The following SYNJ2BP variants were observed in gnomAD, a reference collection of about 807,000 sequenced individuals.
SYNJ2BP encodes the protein synaptojanin 2 binding protein, also known as synaptojanin-2-binding protein.
SYNJ2BP carries 10 observed loss-of-function variants against 16.9 expected under a neutral mutation model. The ratio of observed to expected loss-of-function variants is 0.59; its 90% confidence interval spans 0.36 to 1.00. The LOEUF (loss-of-function observed/expected upper bound fraction) is 1.00, where lower values mean the gene tolerates loss of function less well. Among genes scored for constraint, SYNJ2BP ranks in the 50% least tolerant of loss-of-function variants. The pLI, the probability that SYNJ2BP is intolerant of heterozygous loss-of-function variation, is 0.01. For missense variants in SYNJ2BP, 162 were observed against 186.7 expected, an observed-to-expected ratio of 0.87 and a Z score of 0.77; for synonymous variants, 54 against 68.4, an observed-to-expected ratio of 0.79 and a Z score of 1.04.
At chr14:70,403,873 A>G (rs1161931195) in intron 1 of SYNJ2BP, among the ~76,000 whole-genome samples, 1 of 152,250 alleles carries the variant, frequency 6.6e-6, no homozygotes, top group Non-Finnish European at 1.5e-5. Flanking sequence ...TTCCAGTAAC[A>G]AAATGGCTTT....
chr14:70,412,556 ATATG>A (rs1230539046), intron 1 of SYNJ2BP, among the ~76,000 whole-genome samples: 4 of 148,480 alleles, frequency 2.7e-5, no homozygotes, highest in African/African-American at 7.4e-5. Flanking sequence ...TACAGTATAT[ATATG>A]TATGTATAGT....
intron 3 of SYNJ2BP, among the ~76,000 whole-genome samples, chr14:70,373,677 G>T (rs1887565976): frequency 6.6e-6 from 1 of 152,156 alleles, no homozygotes; most frequent in African/African-American, 2.4e-5. Context: ...ATGGGGTTTT[G>T]CCCTTCATCT....
chr14:70,388,394 G>A, intron 2 of SYNJ2BP, 76 bp downstream of exon 2: 1 of 1,393,650 alleles, frequency 7.2e-7, no homozygotes, highest in Non-Finnish European at 9.4e-7. Context: ...TCTTTTCAAG[G>A]AAAAGGGATA....
intron 2 of SYNJ2BP, among the ~76,000 whole-genome samples, chr14:70,379,940 C>T (rs1295482397): frequency 6.6e-6 from 1 of 152,152 alleles, no homozygotes; most frequent in Non-Finnish European, 1.5e-5. Context: ...ATAACTGGGT[C>T]ACTATATTAA....
In SYNJ2BP at chr14:70,378,936, A is replaced by C. The variant is rs569087659; in HGVS notation, c.202-3165T>G. On this transcript the variant is annotated intron_variant, in intron 2 of 3. Coordinates refer to ENST00000256366, the MANE Select transcript of SYNJ2BP (RefSeq NM_018373.3). Reference sequence around the variant, plus strand: ...GTCCCAACTTACTAAGCAAAAGAAAATACGTAATTGACTATTCCCTTGCCT... The same window carrying C: ...GTCCCAACTTACTAAGCAAAAGAAACTACGTAATTGACTATTCCCTTGCCT... 2.6e-5 allele frequency among the ~76,000 whole-genome samples: 4 copies of C among 152,340 alleles called. No individual in the cohort carries two copies. The East Asian group carries it at 7.7e-4, about 29-fold the overall frequency.
At chr14:70,389,498 C>T (rs1198093689) in intron 1 of SYNJ2BP, among the ~76,000 whole-genome samples, 1 of 151,810 alleles carries the variant, frequency 6.6e-6, no homozygotes, top group Non-Finnish European at 1.5e-5. Context: ...ATTTACTCTC[C>T]CTTCCTTCGC....
chr14:70,410,199 G>C (rs1452156774), intron 1 of SYNJ2BP, among the ~76,000 whole-genome samples: 16 of 152,162 alleles, frequency 1.1e-4, no homozygotes, highest in Admixed American at 1.0e-3. Context: ...TGAATAACTT[G>C]AGCTCAGGAG....
At chr14:70,373,254 T>C (rs767774165) in intron 3 of SYNJ2BP, 123 bp from the exon 4 acceptor site, 164 of 1,261,546 alleles carry the variant, frequency 1.3e-4, no homozygotes, top group Non-Finnish European at 1.6e-4. Context: ...CCCCCAGCAA[T>C]ACCTAGCAGA....
In SYNJ2BP at chr14:70,371,201, A is replaced by C. The variant is rs887391799; in HGVS notation, c.*1790T>G. The C allele has an allele frequency of 1.3e-5, 2 of 152,226 alleles. No homozygotes were observed. The highest frequency in any genetic ancestry group is 2.9e-5 in the Non-Finnish European group (2 of 68,044). 9.4% of individuals were successfully genotyped at this position (152,226 alleles called of 1,614,324 possible). ...ACCCATAGTGCTTAAAACCAGCCTT[A>C]AAAGAACATGAACAGGATGGTTCCC... On this transcript the variant is annotated 3_prime_UTR_variant, in exon 4 of 4. Coordinates refer to ENST00000256366, the MANE Select transcript of SYNJ2BP (RefSeq NM_018373.3).
At chr14:70,399,101 G>A (rs1043347138) in intron 1 of SYNJ2BP, among the ~76,000 whole-genome samples, 2 of 152,098 alleles carry the variant, frequency 1.3e-5, no homozygotes, top group African/African-American at 2.4e-5. Flanking sequence ...GGTGGGTGTG[G>A]TGGGTGCTCC....
intron 1 of SYNJ2BP, among the ~76,000 whole-genome samples, chr14:70,408,102 GTTT>G (rs570551966): frequency 7.0e-6 from 1 of 142,492 alleles, no homozygotes; most frequent in Non-Finnish European, 1.5e-5. Flanking sequence ...CTTCTAACAG[GTTT>G]TTTTTTTTTT....
At chr14:70,416,852 T>TA in intron 1 of SYNJ2BP, 48 bp downstream of exon 1, 1 of 1,612,924 alleles carries the variant, frequency 6.2e-7, no homozygotes, top group Non-Finnish European at 8.5e-7. Flanking sequence ...TGTCTGCAAT[T>TA]ACACCCTCTA....
rs1887550739 is a variant in SYNJ2BP at position 70,373,054 on chromosome 14, C to T, written c.375G>A (p.Val125=). ...PSGIPIFMVL[V]PVFALTMVAA... is the part of the protein sequence containing the mutation. The stretch of plus-strand genomic sequence containing the variant: ...CTACCATGGTGAGGGCAAACACTGG[C>T]ACCAGCACCATAAATATGGGAATAC... The change falls in exon 4 of 4, where the codon GTG becomes GTA. Residue 125 remains valine (V), a synonymous_variant. Coordinates refer to ENST00000256366, the MANE Select transcript of SYNJ2BP (RefSeq NM_018373.3). 6.2e-7 allele frequency: 1 copy of T among 1,614,142 alleles called. No individual in the cohort carries two copies. Among genetic ancestry groups the T allele is most frequent in the Non-Finnish European group, 8.5e-7 (1 of 1,180,020 alleles).
intron 1 of SYNJ2BP, among the ~76,000 whole-genome samples, chr14:70,392,605 G>T (rs1015654970): frequency 2.0e-5 from 3 of 152,160 alleles, no homozygotes; most frequent in Non-Finnish European, 2.9e-5. Context: ...TAGTTTGACA[G>T]AGAAAGAATG....
chr14:70,374,462 G>C (rs1233296909), intron 3 of SYNJ2BP, among the ~76,000 whole-genome samples: 1 of 152,140 alleles, frequency 6.6e-6, no homozygotes, highest in Non-Finnish European at 1.5e-5. Flanking sequence ...ACCTATTTAA[G>C]AAGTAGCAAA....
chr14:70,402,265 A>G (rs1295617352), intron 1 of SYNJ2BP, among the ~76,000 whole-genome samples: 2 of 152,344 alleles, frequency 1.3e-5, no homozygotes, highest in East Asian at 3.9e-4. Context: ...GACAAGAGCT[A>G]CAGTATTGGA....
At chr14:70,387,168 A>G (rs530531126) in intron 2 of SYNJ2BP, among the ~76,000 whole-genome samples, 77 of 152,142 alleles carry the variant, frequency 5.1e-4, no homozygotes, top group Non-Finnish European at 9.4e-4. Flanking sequence ...GCATTTTTCC[A>G]TTCTTTATAC....
At chr14:70,402,790 G>A (rs938472214) in intron 1 of SYNJ2BP, among the ~76,000 whole-genome samples, 2 of 152,006 alleles carry the variant, frequency 1.3e-5, no homozygotes, top group African/African-American at 2.4e-5. Context: ...ATCAAGAAAC[G>A]AACTAAGTAT....
At chr14:70,400,404 G>A (rs1331901798) in intron 1 of SYNJ2BP, among the ~76,000 whole-genome samples, 3 of 152,140 alleles carry the variant, frequency 2.0e-5, no homozygotes, top group Non-Finnish European at 4.4e-5. Context: ...AATATAACCT[G>A]AAGAAGACTA....
Sources: allele counts gnomAD v4.1 joint callset (sites outside exome capture counted in the v4.1 genomes callset), GRCh38; gene constraint gnomAD v4.1.1; transcripts MANE v1.5; gene names NCBI Gene and HGNC (gene_info 2026-07-23, HGNC 2026-07-21).